The following SH3D19 variants were observed in gnomAD, a reference collection of about 807,000 sequenced individuals.
SH3D19 encodes the protein SH3 domain containing 19.
SH3D19 carries 58 observed loss-of-function variants against 112.1 expected under a neutral mutation model. The observed-to-expected ratio is 0.52, with a 90% CI of 0.42 to 0.64. The LOEUF is 0.64. Ranked by LOEUF, SH3D19 falls within the 30% of genes least tolerant of loss-of-function variation. The pLI, the probability that SH3D19 is intolerant of heterozygous loss-of-function variation, is 0.00. For synonymous variants in SH3D19, 391 were observed against 448.5 expected (o/e 0.87, Z 1.62); for missense variants, 1,090 against 1,263.4 (o/e 0.86, Z 2.08).
intron 1 of SH3D19, among the ~76,000 whole-genome samples, chr4:151,257,567 TTCA>T (rs1367961983): frequency 2.6e-5 from 4 of 152,150 alleles, no homozygotes; most frequent in South Asian, 4.1e-4. Context: ...CTTCTTCTTC[TTCA>T]TCATCATTAT....
intron 1 of SH3D19, among the ~76,000 whole-genome samples, chr4:151,275,552 C>A (rs990695008): frequency 2.0e-5 from 3 of 151,866 alleles, no homozygotes; most frequent in Non-Finnish European, 2.9e-5. Context: ...GAGACAGGTT[C>A]TTTCCGTCGC....
rs1305093238 is a variant in SH3D19, at chr4:151,127,598, G to C, written c.3027+20C>G. ...AAATTATAGTGCTTAATGCAGTTAT[G>C]AAGAGATACACATTCTGACCTTGAA... On this transcript the variant is annotated intron_variant, in intron 19 of 19. Coordinates refer to ENST00000604030, the MANE Select transcript of SH3D19 (RefSeq NM_001378122.1). 1 of 1,452,454 alleles carries C rather than the reference G, an allele frequency of 6.9e-7. No individual in the cohort carries two copies. Among genetic ancestry groups the C allele is most frequent in the Non-Finnish European group, 9.5e-7 (1 of 1,057,394 alleles). 90.0% of individuals were successfully genotyped at this position (1,452,454 alleles called of 1,614,324 possible). A position where few individuals can be genotyped will look rare whatever the true frequency, so the allele number is the denominator to read the frequency against.
chr4:151,234,115 C>G (rs1439588178), intron 1 of SH3D19, among the ~76,000 whole-genome samples: 1 of 152,128 alleles, frequency 6.6e-6, no homozygotes, highest in Non-Finnish European at 1.5e-5. Flanking sequence ...TAAAACAATT[C>G]ACATTTGGTC....
chr4:151,294,750 T>C (rs1162312931), intron 1 of SH3D19, among the ~76,000 whole-genome samples: 1 of 152,236 alleles, frequency 6.6e-6, no homozygotes, highest in East Asian at 1.9e-4. Flanking sequence ...GTAGTTTACA[T>C]TGCAGTGGAA....
intron 1 of SH3D19, among the ~76,000 whole-genome samples, chr4:151,296,094 A>G (rs1580436443): frequency 6.6e-6 from 1 of 152,180 alleles, no homozygotes; most frequent in Non-Finnish European, 1.5e-5. Context: ...AGTAATAGGG[A>G]AAAAAAGAGA....
At chr4:151,236,039 T>C (rs1561388945) in intron 1 of SH3D19, among the ~76,000 whole-genome samples, 1 of 152,206 alleles carries the variant, frequency 6.6e-6, no homozygotes, top group Non-Finnish European at 1.5e-5. Context: ...TGGGACGCAA[T>C]GATAAATCAG....
intron 12 of SH3D19, chr4:151,141,132 T>G (rs1007056827): frequency 7.9e-5 from 12 of 152,028 alleles, no homozygotes; most frequent in African/African-American, 2.9e-4. Context: ...CTGACATGGC[T>G]TTTTTTTCTT....
At chr4:151,266,637 T>C (rs1280842655) in intron 1 of SH3D19, among the ~76,000 whole-genome samples, 2 of 152,190 alleles carry the variant, frequency 1.3e-5, no homozygotes, top group African/African-American at 2.4e-5. Flanking sequence ...ATTTGATCTC[T>C]TCTAGGTGCT....
intron 1 of SH3D19, among the ~76,000 whole-genome samples, chr4:151,294,956 G>A (rs1775598942): frequency 6.6e-6 from 1 of 152,140 alleles, no homozygotes; most frequent in African/African-American, 2.4e-5. Flanking sequence ...GACTAAAAAA[G>A]GAGAGAAGGT....
At position 151,175,898 on chromosome 4, in the gene SH3D19, T is replaced by C. The variant is rs556516996; in HGVS notation, c.530-224A>G. On this transcript the variant is annotated intron_variant, in intron 6 of 19. Coordinates refer to ENST00000604030, the MANE Select transcript of SH3D19 (RefSeq NM_001378122.1). ...ACACTTTTTTTTTTTTGAGACAGGG[T>C]CTTGCTCTGTTGCCCTGGCTGGTGT... Among the ~76,000 whole-genome samples the C allele has an allele frequency of 2.6e-5, 4 of 151,704 alleles. No homozygotes were observed. In the South Asian group the frequency reaches 6.3e-4, roughly 24 times the overall value.
chr4:151,263,169 T>C (rs1366499188), intron 1 of SH3D19, among the ~76,000 whole-genome samples: 2 of 110,412 alleles, frequency 1.8e-5, no homozygotes, highest in Non-Finnish European at 4.1e-5. Context: ...ATTTGGTTGA[T>C]TCTAACAAAT....
intron 3 of SH3D19, among the ~76,000 whole-genome samples, chr4:151,180,688 G>A (rs1335687737): frequency 6.6e-6 from 1 of 150,972 alleles, no homozygotes; most frequent in Non-Finnish European, 1.5e-5. Context: ...TTACAGGTGT[G>A]AGCCACTGCG....
chr4:151,276,863 C>T (rs1387830331), intron 1 of SH3D19, among the ~76,000 whole-genome samples: 2 of 152,158 alleles, frequency 1.3e-5, no homozygotes, highest in African/African-American at 2.4e-5. Context: ...TTGCTAGAGA[C>T]AGGGTCCTGT....
At chr4:151,279,104 C>G (rs1773925528) in intron 1 of SH3D19, 1 of 423,106 alleles carries the variant, frequency 2.4e-6, no homozygotes, top group African/African-American at 2.1e-5. Context: ...AGCTGTGGCC[C>G]AAGTATAGGC....
intron 1 of SH3D19, chr4:151,282,096 T>C (rs1013438405): frequency 2.5e-6 from 4 of 1,594,756 alleles, no homozygotes; most frequent in Non-Finnish European, 3.4e-6. Flanking sequence ...ATAGGCAGCC[T>C]GTTCTGACCC....
intron 1 of SH3D19, among the ~76,000 whole-genome samples, chr4:151,239,016 T>G (rs1428292570): frequency 6.6e-6 from 1 of 152,150 alleles, no homozygotes; most frequent in Non-Finnish European, 1.5e-5. Flanking sequence ...CTAAAGTAAG[T>G]GCCCAATTCT....
chr4:151,222,597 T>C (rs1406860349), intron 2 of SH3D19, among the ~76,000 whole-genome samples: 1 of 152,008 alleles, frequency 6.6e-6, no homozygotes, highest in African/African-American at 2.4e-5. Context: ...TGGGATTTTT[T>C]AGTCCTAGAT....
chr4:151,149,229 G>C (rs1754493354), intron 10 of SH3D19, among the ~76,000 whole-genome samples: 1 of 152,084 alleles, frequency 6.6e-6, no homozygotes, highest in Non-Finnish European at 1.5e-5. Flanking sequence ...GTATATTCTA[G>C]AAGTGGAGCT....
chr4:151,262,760 C>A (rs1772479224), intron 1 of SH3D19: 1 of 151,236 alleles, frequency 6.6e-6, no homozygotes, highest in Admixed American at 6.6e-5. Flanking sequence ...ATTTCTAGGT[C>A]CTGGCAGGAG....
Sources: allele counts gnomAD v4.1 joint callset (sites outside exome capture counted in the v4.1 genomes callset), GRCh38; gene constraint gnomAD v4.1.1; transcripts MANE v1.5; gene names NCBI Gene and HGNC (gene_info 2026-07-23, HGNC 2026-07-21).